Variants in MYO1F observed in about 807,000 individuals in gnomAD.
MYO1F encodes the protein unconventional myosin-If.
Under a neutral mutation model 146.6 loss-of-function variants are expected in MYO1F, and 60 were observed. The ratio of observed to expected loss-of-function variants is 0.41; its 90% CI spans 0.33 to 0.51. MYO1F has a LOEUF of 0.51. MYO1F is among the 20% of genes least tolerant of loss of function. The pLI is 0.25. For missense variants in MYO1F, 1,274 were observed against 1,534.3 expected (o/e 0.83, Z 2.83); for synonymous variants, 602 against 602.1 (o/e 1.00, Z 0.00).
At chr19:8,553,894 A>ACACACACTCT in intron 4 of MYO1F, among the ~76,000 whole-genome samples, 116 of 102,664 alleles carry the variant, frequency 1.1e-3, no homozygotes, top group African/African-American at 3.4e-3. Flanking sequence ...ACACACACAC[A>ACACACACTCT]CTCTCTCTCT....
intron 1 of MYO1F, among the ~76,000 whole-genome samples, chr19:8,574,601 CTTTCTT>C (rs1568381321): frequency 6.3e-3 from 406 of 64,608 alleles, no homozygotes; most frequent in Middle Eastern, 0.015. Flanking sequence ...CTCTCTCTTT[CTTTCTT>C]TCTTTCTTTC....
Position 8,525,519 on chromosome 19 carries a change from C to T in MYO1F, c.2814G>A (p.Ser938=). The T allele has an allele frequency of 6.2e-7, 1 of 1,613,464 alleles. No homozygotes were observed. Residue 938 remains serine, a synonymous_variant, in exon 25 of 28, where the codon TCG becomes TCA. Transcript: ENST00000644032. ...GGGCCGCCCGGGTAGGGGCTTGGGA[C>T]GACCTCCGAGGTTTTCCCTTGGCCA... ...KGMAKGKPRR[S]SQAPTRAAPA...
chr19:8,532,362 A>G (rs1972520371), intron 19 of MYO1F, among the ~76,000 whole-genome samples: 1 of 152,148 alleles, frequency 6.6e-6, no homozygotes, highest in African/African-American at 2.4e-5. Flanking sequence ...CAGCAAGTCA[A>G]AGTACAAAGT....
At chr19:8,525,791 CCTT>C (rs1972242856) in intron 24 of MYO1F, among the ~76,000 whole-genome samples, 1 of 152,154 alleles carries the variant, frequency 6.6e-6, no homozygotes, top group Non-Finnish European at 1.5e-5. Context: ...TTAGGTCACT[CCTT>C]CATCACTACC....
At chr19:8,524,149 G>T (rs1195021187) in intron 25 of MYO1F, among the ~76,000 whole-genome samples, 1 of 147,328 alleles carries the variant, frequency 6.8e-6, no homozygotes, top group African/African-American at 2.5e-5. Context: ...GGCCGGGCGC[G>T]GTGGCTCACA....
intron 24 of MYO1F, 39 bp from the exon 25 acceptor site, chr19:8,525,601 C>T (rs895812632): frequency 6.4e-7 from 1 of 1,555,044 alleles, no homozygotes; most frequent in South Asian, 1.1e-5. Context: ...GACAGACAGA[C>T]CACGCTCTTT....
Position 8,530,551 on chromosome 19 carries a change from C to T in MYO1F, c.2066G>A (p.Arg689Gln), listed in dbSNP as rs1972443610. ...GGCAAAGCCATCGAACTTTCGCTCT[C>T]GCACCTCCTCCAGGAGGAAAAGCTG... ...PESLFLLEEV[R>Q]ERKFDGFART... The change falls in exon 20 of 28, where the codon CGA becomes CAA. Residue 689 changes from arginine (R) to glutamine (Q), a missense_variant. Around this residue, in one of 2 missense-constraint regions of MYO1F, gnomAD observed 900 missense variants for 1,155.1 expected, o/e 0.78. Coordinates refer to ENST00000644032, the MANE Select transcript of MYO1F (RefSeq NM_012335.4). The surrounding 1 kb of genome is among the most constrained non-coding windows in gnomAD (Gnocchi z 5.8). The T allele has an allele frequency of 5.0e-6, 8 of 1,612,490 alleles. No individual in the cohort carries two copies. The highest frequency in any genetic ancestry group is 6.8e-6 in the Non-Finnish European group (8 of 1,180,026).
intron 1 of MYO1F, among the ~76,000 whole-genome samples, chr19:8,575,119 G>A (rs1239104275): frequency 7.0e-6 from 1 of 142,712 alleles, no homozygotes; most frequent in African/African-American, 2.6e-5. Flanking sequence ...CTCTGTCGCC[G>A]AGGCTGTAGT....
chr19:8,545,573 TG>T (rs1334519562), intron 13 of MYO1F, 76 bp downstream of exon 13: 5 of 1,221,040 alleles, frequency 4.1e-6, no homozygotes, highest in Admixed American at 1.7e-5. Context: ...ATAACACCCT[TG>T]GCCCTCCCCC....
Position 8,526,520 on chromosome 19 carries a change from C to G in MYO1F, c.2703G>C (p.Leu901Phe), listed in dbSNP as rs776059662. 4.4e-6 allele frequency: 7 copies of G among 1,585,208 alleles called. No homozygotes were observed. The Admixed American group carries it at 1.1e-4, about 25-fold the overall frequency. ...TCCGACCGCCAACCTTGAGCACTGC[C>G]AAGTCGCCGAAGCCGCGGGAGAAGG... is the stretch of plus-strand genomic sequence containing the variant. ...SVTFSRGFGD[L>F]AVLKVGGRTL... The change falls in exon 24 of 28, where the codon TTG becomes TTC. Residue 901 changes from leucine (L) to phenylalanine (F), a missense_variant. Physicochemically the swap from Leu to Phe is conservative, Grantham distance 22. Coordinates refer to ENST00000644032, the MANE Select transcript of MYO1F (RefSeq NM_012335.4).
rs968999276 is a variant in MYO1F, at chr19:8,577,178, C to A, written c.3+129G>T. On this transcript the variant is annotated intron_variant, in intron 1 of 27. Transcript: ENST00000644032. This position sits in a 1 kb window ranked among gnomAD's most constrained non-coding sequence, Gnocchi z 4.3. ...GGCACCTGAGCTGCACTGAGAGACA[C>A]CCCACCCCCACAGAAGTCCACCATG... 5.3e-6 allele frequency: 6 copies of A among 1,130,226 alleles called. No individual in the cohort carries two copies. In the African/African-American group the frequency reaches 7.7e-5, roughly 15 times the overall value. 70.0% of individuals were successfully genotyped at this position (1,130,226 alleles called of 1,614,324 possible).
chr19:8,562,392 C>T (rs1284568806), intron 1 of MYO1F, among the ~76,000 whole-genome samples: 2 of 152,004 alleles, frequency 1.3e-5, no homozygotes, highest in Admixed American at 6.6e-5. Flanking sequence ...ACTGCGGCCT[C>T]GAACTCCTGG....
At chr19:8,538,354 G>A (rs532637570) in intron 16 of MYO1F, among the ~76,000 whole-genome samples, 1 of 151,730 alleles carries the variant, frequency 6.6e-6, no homozygotes, top group South Asian at 2.1e-4. Flanking sequence ...GAGTGCAGTG[G>A]CTCTTGGCTC....
At chr19:8,555,128 C>T (rs1321175964) in intron 2 of MYO1F, among the ~76,000 whole-genome samples, 3 of 150,950 alleles carry the variant, frequency 2.0e-5, no homozygotes, top group East Asian at 2.0e-4. Flanking sequence ...GAGGTTGCAG[C>T]GAGCTATCGT....
At position 8,530,492 on chromosome 19, in the gene MYO1F, C is replaced by T. The variant is rs1354461808; in HGVS notation, c.2125G>A (p.Ala709Thr). The change falls in exon 20 of 28, where the codon GCT becomes ACT. Residue 709 changes from alanine to threonine, a missense_variant. Physicochemically the swap from Ala to Thr is moderately conservative, Grantham distance 58. Around this residue, in one of 2 missense-constraint regions of MYO1F, gnomAD observed 900 missense variants for 1,155.1 expected, o/e 0.78. Coordinates refer to ENST00000644032, the MANE Select transcript of MYO1F (RefSeq NM_012335.4). This position sits in a 1 kb window ranked among gnomAD's most constrained non-coding sequence, Gnocchi z 5.8. The part of the protein sequence containing the change: ...TIQKAWRRHV[A>T]VRKYEEMREE... ...CGCATCTCCTCGTACTTCCGGACAG[C>T]CACGTGGCGCCGCCAGGCCTTCTGG... 1 of 1,613,730 alleles carries T rather than the reference C, an allele frequency of 6.2e-7. No homozygotes were observed. The highest frequency in any genetic ancestry group is 2.2e-5 in the East Asian group (1 of 44,870).
intron 12 of MYO1F, among the ~76,000 whole-genome samples, chr19:8,546,106 C>T (rs1973344613): frequency 7.2e-6 from 1 of 139,670 alleles, no homozygotes; most frequent in East Asian, 2.1e-4. Context: ...CTCCTGTTGC[C>T]TAGGCTGGAG....
chr19:8,565,970 A>G lies in MYO1F; in HGVS notation c.4-10174T>C, dbSNP rs191378682. On this transcript the variant is annotated intron_variant, in intron 1 of 27. Coordinates refer to ENST00000644032, the MANE Select transcript of MYO1F (RefSeq NM_012335.4). ...AAAAATAAATAAAAATTAGCCAGGC[A>G]TGGTGGTATGCGCCTGTAGTCCCAG... 4.5e-4 allele frequency among the ~76,000 whole-genome samples: 68 copies of G among 151,728 alleles called. No homozygotes were observed. In the East Asian group the frequency reaches 0.013, roughly 29 times the overall value.
intron 25 of MYO1F, among the ~76,000 whole-genome samples, chr19:8,524,836 G>C (rs374342821): frequency 6.6e-6 from 1 of 152,164 alleles, no homozygotes; most frequent in East Asian, 1.9e-4. Context: ...GGGAATTTGA[G>C]AGAGAAGCAG....
chr19:8,570,021 C>T (rs2042079553), intron 1 of MYO1F, among the ~76,000 whole-genome samples: 1 of 152,114 alleles, frequency 6.6e-6, no homozygotes, highest in Admixed American at 6.6e-5. Flanking sequence ...ATCCTCCTGC[C>T]TCAGCCTCCT....
Sources: allele counts gnomAD v4.1 joint callset (sites outside exome capture counted in the v4.1 genomes callset), GRCh38; gene constraint gnomAD v4.1.1; regional missense constraint gnomAD v4.1.1; non-coding constraint Gnocchi (gnomAD v3.1); transcripts MANE v1.5; gene names NCBI Gene and HGNC (gene_info 2026-07-23, HGNC 2026-07-21).